Variants in KLHL1 observed in about 807,000 individuals in gnomAD.
The protein encoded by KLHL1 is kelch-like protein 1.
KLHL1 carries 47 observed loss-of-function variants against 77.7 expected under a neutral mutation model. The ratio of observed to expected loss-of-function variants is 0.60; its 90% CI spans 0.48 to 0.77. KLHL1 has a LOEUF of 0.77. KLHL1 is among the 30% of genes least tolerant of loss of function. The pLI, the probability that KLHL1 is intolerant of heterozygous loss-of-function variation, is 0.00. For missense variants in KLHL1, 925 were observed against 910.8 expected, an observed-to-expected ratio of 1.02 and a Z score of -0.20; for synonymous variants, 360 against 325.2, an observed-to-expected ratio of 1.11 and a Z score of -1.15.
chr13:70,074,341 T>C (rs1228177376), intron 1 of KLHL1, among the ~76,000 whole-genome samples: 2 of 152,078 alleles, frequency 1.3e-5, no homozygotes, highest in Non-Finnish European at 2.9e-5. Flanking sequence ...ATCTCGGATC[T>C]AAGGTGATGC....
intron 4 of KLHL1, among the ~76,000 whole-genome samples, chr13:69,927,937 T>C (rs1882871794): frequency 6.6e-6 from 1 of 152,174 alleles, no homozygotes; most frequent in African/African-American, 2.4e-5. Flanking sequence ...TGTATATGAA[T>C]GTTCATAGCA....
At chr13:69,913,784 C>T (rs1013819150) in intron 4 of KLHL1, among the ~76,000 whole-genome samples, 14 of 152,172 alleles carry the variant, frequency 9.2e-5, no homozygotes, top group Admixed American at 7.9e-4. Flanking sequence ...GCTACACATA[C>T]AAATTCACTT....
chr13:69,814,027 T>A (rs1878014536), intron 6 of KLHL1, among the ~76,000 whole-genome samples: 1 of 152,204 alleles, frequency 6.6e-6, no homozygotes, highest in Non-Finnish European at 1.5e-5. Context: ...CAAAACAGCA[T>A]GGCACTAGTA....
At chr13:69,760,273 T>A (rs1043658893) in intron 7 of KLHL1, among the ~76,000 whole-genome samples, 1 of 152,116 alleles carries the variant, frequency 6.6e-6, no homozygotes, top group Non-Finnish European at 1.5e-5. Context: ...AGGACCTACC[T>A]TTTGTAAACA....
At chr13:69,750,022 TG>T (rs1433513463) in intron 7 of KLHL1, among the ~76,000 whole-genome samples, 17 of 151,872 alleles carry the variant, frequency 1.1e-4, no homozygotes, top group African/African-American at 4.1e-4. Context: ...AGCATTAGCC[TG>T]TAAAATGTAT....
chr13:70,025,529 T>C (rs1029359702), intron 1 of KLHL1, among the ~76,000 whole-genome samples: 3 of 151,922 alleles, frequency 2.0e-5, no homozygotes, highest in Non-Finnish European at 4.4e-5. Context: ...TCTAGGGTAA[T>C]TGATTATGTT....
At chr13:70,079,391 T>C (rs73214641) in intron 1 of KLHL1, among the ~76,000 whole-genome samples, 17,920 of 152,242 alleles carry the variant, frequency 0.12, 1,138 homozygotes, top group Middle Eastern at 0.14. Context: ...ATGGCATGTA[T>C]GCTATGGTAA....
intron 10 of KLHL1, among the ~76,000 whole-genome samples, chr13:69,705,370 C>G (rs1361368881): frequency 6.6e-6 from 1 of 151,596 alleles, no homozygotes. Flanking sequence ...TAATCGATTC[C>G]TAATCTATTT....
intron 8 of KLHL1, among the ~76,000 whole-genome samples, chr13:69,724,368 C>T (rs915990338): frequency 3.9e-5 from 6 of 152,118 alleles, no homozygotes; most frequent in African/African-American, 1.4e-4. Flanking sequence ...TATAAACTTT[C>T]TAAATTGACT....
At chr13:69,910,123 C>T (rs974027777) in intron 4 of KLHL1, among the ~76,000 whole-genome samples, 17 of 152,074 alleles carry the variant, frequency 1.1e-4, no homozygotes, top group East Asian at 3.8e-4. Flanking sequence ...TAGTAGACTG[C>T]TTCACGAATT....
In KLHL1 at chr13:69,861,943, C is replaced by T. The variant is rs1396559792; in HGVS notation, c.1227+20340G>A. On this transcript the variant is annotated intron_variant, in intron 5 of 10. Coordinates refer to ENST00000377844, the MANE Select transcript of KLHL1 (RefSeq NM_020866.3). ...TCACACCATTGCACTCCAGCCTGAGCAACAAGAGCGAAACTCCGTCTCAAA... is the reference window on the plus strand; with the variant it reads ...TCACACCATTGCACTCCAGCCTGAGTAACAAGAGCGAAACTCCGTCTCAAA... Among the ~76,000 whole-genome samples, 5 of 146,506 alleles carry T rather than the reference C, an allele frequency of 3.4e-5. 1 individual carries two copies. The South Asian group carries it at 1.1e-3, about 31-fold the overall frequency.
Position 70,108,157 on chromosome 13 carries a change from T to C in KLHL1, c.-458A>G. The C allele has an allele frequency of 2.5e-6, 1 of 400,698 alleles. No individual in the cohort carries two copies. The highest frequency in any genetic ancestry group is 3.6e-5 in the East Asian group (1 of 27,974). 24.8% of individuals were successfully genotyped at this position (400,698 alleles called of 1,614,324 possible). A position where few individuals can be genotyped will look rare whatever the true frequency, so the allele number is the denominator to read the frequency against. On this transcript the variant is annotated 5_prime_UTR_variant, in exon 1 of 11. Transcript: ENST00000377844. Reference sequence around the variant, plus strand: ...CTTAGTAGGGAAGGTGGTGGCGTTCTTGTCCTTGCAGCTCAGAGTTCAGTG... The same window carrying C: ...CTTAGTAGGGAAGGTGGTGGCGTTCCTGTCCTTGCAGCTCAGAGTTCAGTG...
chr13:69,864,464 G>T (rs1004641141), intron 5 of KLHL1, among the ~76,000 whole-genome samples: 1 of 151,870 alleles, frequency 6.6e-6, no homozygotes, highest in African/African-American at 2.4e-5. Flanking sequence ...CCAAAATGAT[G>T]AAATTTTAAA....
intron 1 of KLHL1, among the ~76,000 whole-genome samples, chr13:70,064,593 T>C (rs1177748401): frequency 6.6e-6 from 1 of 152,208 alleles, no homozygotes; most frequent in Non-Finnish European, 1.5e-5. Context: ...TTTTCATTAA[T>C]ATTCACTTAA....
At chr13:69,976,502 T>C (rs1451391026) in intron 1 of KLHL1, among the ~76,000 whole-genome samples, 1 of 152,106 alleles carries the variant, frequency 6.6e-6, no homozygotes, top group Non-Finnish European at 1.5e-5. Context: ...AAAATAACTT[T>C]AATAAGTGCT....
chr13:69,782,735 C>T (rs1242237797), intron 7 of KLHL1, among the ~76,000 whole-genome samples: 1 of 152,210 alleles, frequency 6.6e-6, no homozygotes, highest in African/African-American at 2.4e-5. Flanking sequence ...CCTCTGGGGG[C>T]AGGGCACAGA....
intron 4 of KLHL1, among the ~76,000 whole-genome samples, chr13:69,901,772 A>G (rs1189362173): frequency 1.6e-5 from 2 of 121,280 alleles, no homozygotes; most frequent in East Asian, 2.4e-4. Flanking sequence ...TGAGTTTTTC[A>G]TTTTCTTTCT....
intron 7 of KLHL1, among the ~76,000 whole-genome samples, chr13:69,744,328 A>G (rs1348905690): frequency 6.6e-6 from 1 of 152,042 alleles, no homozygotes; most frequent in East Asian, 1.9e-4. Context: ...TTTCTGACCA[A>G]CTGCATATTT....
chr13:69,905,612 T>C (rs988893978), intron 4 of KLHL1, among the ~76,000 whole-genome samples: 11 of 152,116 alleles, frequency 7.2e-5, no homozygotes, highest in South Asian at 2.1e-4. Flanking sequence ...AGATTTGATA[T>C]GGTTGCAACA....
Sources: allele counts gnomAD v4.1 joint callset (sites outside exome capture counted in the v4.1 genomes callset), GRCh38; gene constraint gnomAD v4.1.1; transcripts MANE v1.5; gene names NCBI Gene and HGNC (gene_info 2026-07-23, HGNC 2026-07-21).